The following TIMM23 variants were observed in gnomAD, a reference collection of about 807,000 sequenced individuals.
TIMM23 encodes the protein translocase of inner mitochondrial membrane 23, also known as mitochondrial import inner membrane translocase subunit Tim23.
A neutral mutation model predicts 30.7 loss-of-function variants in TIMM23; 19 were observed. The ratio of observed to expected loss-of-function variants is 0.62; its 90% CI spans 0.43 to 0.91. The LOEUF is 0.91. TIMM23 is among the 40% of genes least tolerant of loss of function. TIMM23 has a pLI of 0.00. For missense variants in TIMM23, 202 were observed against 269.2 expected, an observed-to-expected ratio of 0.75 and a Z score of 1.75; for synonymous variants, 78 against 98.5, an observed-to-expected ratio of 0.79 and a Z score of 1.23.
At chr10:45,989,488 A>G (rs1169650345) in intron 6 of TIMM23, among the ~76,000 whole-genome samples, 1 of 152,168 alleles carries the variant, frequency 6.6e-6, no homozygotes, top group Non-Finnish European at 1.5e-5. Flanking sequence ...TTTTGGATAT[A>G]TGTGCAGAAG....
At chr10:45,994,097 T>C (rs1214027476) in intron 6 of TIMM23, among the ~76,000 whole-genome samples, 15 of 152,216 alleles carry the variant, frequency 9.9e-5, no homozygotes, top group African/African-American at 3.1e-4. Flanking sequence ...CCTAGCACTT[T>C]GGGAGGCCGA....
intron 6 of TIMM23, chr10:45,998,413 T>C: frequency 2.0e-6 from 2 of 984,692 alleles, no homozygotes; most frequent in Non-Finnish European, 2.4e-6. Context: ...GAAACACAAG[T>C]CATATTTGCT....
chr10:45,972,632 G>C lies in TIMM23; in HGVS notation c.8G>C (p.Gly3Ala). 8 of 1,613,888 alleles carry C rather than the reference G, an allele frequency of 5.0e-6. No individual in the cohort carries two copies. The highest frequency in any genetic ancestry group is 5.9e-6 in the Non-Finnish European group (7 of 1,179,828). Reference sequence around the variant, plus strand: ...TCGGTTTGCTGCGATACCATGGAAGGAGGCGGGGGAAGCGGCAACAAAACC... The same window carrying C: ...TCGGTTTGCTGCGATACCATGGAAGCAGGCGGGGGAAGCGGCAACAAAACC... MEGGGGSGNKTTG... is the reference protein window; with the variant it reads MEAGGGSGNKTTG... The change falls in exon 1 of 7, where the codon GGA (glycine) becomes GCA (alanine). Residue 3 changes from glycine (G) to alanine (A), a missense_variant. Physicochemically the swap from Gly to Ala is moderately conservative, Grantham distance 60. Coordinates refer to ENST00000580018, the MANE Select transcript of TIMM23 (RefSeq NM_006327.4).
chr10:45,972,870 T>C, intron 1 of TIMM23, 140 bp downstream of exon 1: 1 of 1,471,952 alleles, frequency 6.8e-7, no homozygotes, highest in Non-Finnish European at 9.1e-7. Context: ...GGGGTTAGTG[T>C]ATCTGCATGG....
At chr10:45,981,031 C>T (rs1334396941) in intron 2 of TIMM23, among the ~76,000 whole-genome samples, 6 of 146,506 alleles carry the variant, frequency 4.1e-5, no homozygotes, top group Non-Finnish European at 6.0e-5. Flanking sequence ...CCTCCACCCC[C>T]GGGTTCAAGC....
rs1282702755 is a variant in TIMM23, at chr10:45,978,232, A to G, written c.165+2720A>G. On this transcript the variant is annotated intron_variant, in intron 2 of 6. Transcript: ENST00000580018. ...GCCGGGTGTGGTGGTGTGCACCTGT[A>G]GTCCCAGCTACTAGGGAGGCTGAGG... Among the ~76,000 whole-genome samples, 303 of 152,150 alleles carry G rather than the reference A, an allele frequency of 2.0e-3. 3 individuals carry two copies. The highest frequency in any genetic ancestry group is 0.019 in the East Asian group (98 of 5,154).
At chr10:45,988,014 A>T (rs1590120891) in intron 5 of TIMM23, among the ~76,000 whole-genome samples, 2 of 152,060 alleles carry the variant, frequency 1.3e-5, no homozygotes, top group Admixed American at 6.6e-5. Context: ...CTTTCATTTC[A>T]CTGGAGTTGG....
intron 1 of TIMM23, among the ~76,000 whole-genome samples, 171 bp from the exon 2 acceptor site, chr10:45,975,283 A>G (rs1554912766): frequency 0.59 from 89,344 of 151,780 alleles, 26,762 homozygotes; most frequent in Admixed American, 0.67. Context: ...GGGTCTCAGG[A>G]TGAGTCAGCC....
intron 6 of TIMM23, among the ~76,000 whole-genome samples, chr10:45,998,593 G>T (rs981483475): frequency 2.0e-5 from 3 of 152,234 alleles, no homozygotes; most frequent in African/African-American, 7.2e-5. Flanking sequence ...TGGAATTAAC[G>T]GAAACAGTTA....
At chr10:45,987,448 A>T (rs1397668627) in intron 5 of TIMM23, among the ~76,000 whole-genome samples, 2 of 152,042 alleles carry the variant, frequency 1.3e-5, no homozygotes, top group African/African-American at 4.8e-5. Context: ...CCCACTTTGG[A>T]TACTTCTGAT....
intron 6 of TIMM23, 105 bp from the exon 7 acceptor site, chr10:46,003,098 C>T: frequency 1.2e-6 from 1 of 861,230 alleles, no homozygotes; most frequent in African/African-American, 1.7e-5. Flanking sequence ...ATTACCTGAG[C>T]CACCGTGCCC....
At chr10:45,987,720 C>T (rs1838034261) in intron 5 of TIMM23, among the ~76,000 whole-genome samples, 1 of 150,668 alleles carries the variant, frequency 6.6e-6, no homozygotes, top group South Asian at 2.1e-4. Context: ...TTAAGCAAGC[C>T]TCCCACCTCA....
chr10:46,002,810 ATTTTT>A lies in TIMM23; in HGVS notation c.515-373_515-369del, dbSNP rs386371331. Among the ~76,000 whole-genome samples the A allele has an allele frequency of 2.6e-3, 244 of 95,068 alleles. 1 individual carries two copies. Among genetic ancestry groups the A allele is most frequent in the African/African-American group, 9.8e-3 (229 of 23,332 alleles). 62.4% of individuals were successfully genotyped at this position (95,068 alleles called of 152,430 possible). ...TAAAATGGTCTCTCCATTTCATAGT[ATTTTT>A]TTTTTTTTTTTTTTTTTTTGACGGA... On this transcript the variant is annotated intron_variant, in intron 6 of 6. Coordinates refer to ENST00000580018, the MANE Select transcript of TIMM23 (RefSeq NM_006327.4).
Position 45,993,244 on chromosome 10 carries a change from CTTTTTT to C in TIMM23, c.514+4409_514+4414del, listed in dbSNP as rs782013689. On this transcript the variant is annotated intron_variant, in intron 6 of 6. Coordinates refer to ENST00000580018, the MANE Select transcript of TIMM23 (RefSeq NM_006327.4). ...TTGCCAGTGTGAGCATCTACCATCA[CTTTTTT>C]TTTTTTTTTTTGGAGACTGAGTTTC... is the stretch of plus-strand genomic sequence containing the variant. Among the ~76,000 whole-genome samples, 2 of 72,042 alleles carry C rather than the reference CTTTTTT, an allele frequency of 2.8e-5. 1 individual carries two copies. Among genetic ancestry groups the C allele is most frequent in the Non-Finnish European group, 4.9e-5 (2 of 40,472 alleles). 47.3% of individuals were successfully genotyped at this position (72,042 alleles called of 152,430 possible).
In TIMM23 at chr10:45,972,611, T is replaced by C. The variant is rs11541668; in HGVS notation, c.-14T>C. On this transcript the variant is annotated 5_prime_UTR_variant, in exon 1 of 7. Coordinates refer to ENST00000580018, the MANE Select transcript of TIMM23 (RefSeq NM_006327.4). ...TGAGGCAGCGGCGGGAACCACTCGG[T>C]TTGCTGCGATACCATGGAAGGAGGC... 1.2e-6 allele frequency: 2 copies of C among 1,609,202 alleles called. No homozygotes were observed. The highest frequency in any genetic ancestry group is 1.7e-6 in the Non-Finnish European group (2 of 1,177,020).
intron 6 of TIMM23, among the ~76,000 whole-genome samples, chr10:45,989,384 G>A (rs1838090744): frequency 6.6e-6 from 1 of 152,096 alleles, no homozygotes; most frequent in Admixed American, 6.5e-5. Context: ...CTTTTATCAA[G>A]GAATATTTGG....
At chr10:45,985,313 T>C in intron 4 of TIMM23, 70 bp from the exon 5 acceptor site, 1 of 1,599,394 alleles carries the variant, frequency 6.3e-7, no homozygotes, top group South Asian at 1.1e-5. Context: ...AAATAGCCAT[T>C]ATTGTTTTTA....
intron 2 of TIMM23, among the ~76,000 whole-genome samples, chr10:45,979,908 A>G (rs1302141386): frequency 6.6e-6 from 1 of 152,042 alleles, no homozygotes; most frequent in African/African-American, 2.4e-5. Flanking sequence ...TTGAATCTAC[A>G]CTTAGAGGTT....
At chr10:46,001,520 GA>G (rs1156588062) in intron 6 of TIMM23, among the ~76,000 whole-genome samples, 1 of 152,126 alleles carries the variant, frequency 6.6e-6, no homozygotes, top group Non-Finnish European at 1.5e-5. Context: ...TCCATCAGCT[GA>G]AGCCATCTGG....
Sources: allele counts gnomAD v4.1 joint callset (sites outside exome capture counted in the v4.1 genomes callset), GRCh38; gene constraint gnomAD v4.1.1; transcripts MANE v1.5; gene names NCBI Gene and HGNC (gene_info 2026-07-23, HGNC 2026-07-21).